The following CA13 variants were observed in gnomAD, a reference collection of about 807,000 sequenced individuals.
The protein encoded by CA13 is CA-XIII.
Under a neutral mutation model 31.5 loss-of-function variants are expected in CA13, and 21 were observed. The observed-to-expected ratio is 0.67, with a 90% confidence interval of 0.47 to 0.96. The LOEUF is 0.96. Ranked by LOEUF, CA13 falls within the 40% of genes least tolerant of loss-of-function variation. The probability of loss-of-function intolerance (pLI) is 0.00; values close to 1 mark genes in which losing one functional copy is unlikely to be tolerated. For missense variants in CA13, 315 were observed against 318.9 expected (o/e 0.99, Z 0.09); for synonymous variants, 117 against 111.4 (o/e 1.05, Z -0.32).
intron 2 of CA13, among the ~76,000 whole-genome samples, chr8:85,255,978 A>G (rs1250677939): frequency 6.7e-6 from 1 of 150,230 alleles, no homozygotes; most frequent in Non-Finnish European, 1.5e-5. Context: ...TTACTTACCT[A>G]CCTAGCATGG....
At chr8:85,260,374 G>A (rs1807359452) in intron 3 of CA13, among the ~76,000 whole-genome samples, 1 of 152,222 alleles carries the variant, frequency 6.6e-6, no homozygotes. Context: ...TTTGGTTTCT[G>A]AGTCGCCTAG....
At chr8:85,266,933 TCAA>T (rs1807466040) in intron 4 of CA13, among the ~76,000 whole-genome samples, 1 of 152,204 alleles carries the variant, frequency 6.6e-6, no homozygotes, top group African/African-American at 2.4e-5. Context: ...AGCATCAACA[TCAA>T]GAATAGTAGC....
rs775391404 is a variant in CA13, at chr8:85,259,485, C to T, written c.300C>T (p.Ser100=). Residue 100 remains serine (S), a synonymous_variant, in exon 3 of 7, where the codon TCC becomes TCT. Transcript: ENST00000321764. ...RLRQVHLHWG[S]ADDHGSEHIV... ...GGCAGGTTCACCTTCACTGGGGGTC[C>T]GCTGATGACCACGGCTCCGAGCACA... 6.2e-6 allele frequency: 10 copies of T among 1,614,042 alleles called. No individual in the cohort carries two copies. Among genetic ancestry groups the T allele is most frequent in the Admixed American group, 1.7e-5 (1 of 60,000 alleles).
rs1813715479 is a variant in CA13, at chr8:85,245,857, A to G, written c.29A>G (p.Glu10Gly). ...TCGAGGCTCAGCTGGGGATACCGCG[A>G]GCACAACGGTGAGCGCCTTTTCCTG... MSRLSWGYR[E>G]HNGPIHWKEF... The change falls in exon 1 of 7, where the codon GAG (glutamate) becomes GGG (glycine). Residue 10 changes from glutamate to glycine, a missense_variant. Glu to Gly is a moderately conservative substitution (Grantham distance 98). Transcript: ENST00000321764. 1 of 1,613,960 alleles carries G rather than the reference A, an allele frequency of 6.2e-7. No homozygotes were observed. The highest frequency in any genetic ancestry group is 2.2e-5 in the East Asian group (1 of 44,888).
At chr8:85,277,697 T>G (rs1234047595) in intron 6 of CA13, among the ~76,000 whole-genome samples, 1 of 152,146 alleles carries the variant, frequency 6.6e-6, no homozygotes, top group Non-Finnish European at 1.5e-5. Flanking sequence ...CAAGAGGTTT[T>G]AATGAGCGCC....
chr8:85,270,132 G>C (rs565130134), intron 6 of CA13, among the ~76,000 whole-genome samples: 1 of 152,266 alleles, frequency 6.6e-6, no homozygotes, highest in South Asian at 2.1e-4. Flanking sequence ...CTTCTTCATT[G>C]GTTTTGTTTT....
chr8:85,259,805 A>C (rs1198382061), intron 3 of CA13, among the ~76,000 whole-genome samples: 1 of 152,192 alleles, frequency 6.6e-6, no homozygotes, highest in Non-Finnish European at 1.5e-5. Context: ...AGATTAAGTA[A>C]TTTATCCAGC....
At position 85,281,935 on chromosome 8, in the gene CA13, A is replaced by G. The variant is rs1314538879; in HGVS notation, c.*586A>G. The G allele has an allele frequency of 6.6e-6, 1 of 152,198 alleles. No individual in the cohort carries two copies. Among genetic ancestry groups the G allele is most frequent in the African/African-American group, 2.4e-5 (1 of 41,458 alleles). The allele number at this position is 152,198 out of a possible 1,614,324, so 9.4% of individuals were successfully genotyped here. The stretch of plus-strand genomic sequence containing the variant: ...ATATGTCTACTTCAACCTGTGTGAA[A>G]ATATAGTTAACATTGCAAACTTTAG... On this transcript the variant is annotated 3_prime_UTR_variant, in exon 7 of 7. Coordinates refer to ENST00000321764, the MANE Select transcript of CA13 (RefSeq NM_198584.3).
chr8:85,273,521 C>A (rs984481605), intron 6 of CA13, among the ~76,000 whole-genome samples: 5 of 152,080 alleles, frequency 3.3e-5, no homozygotes, highest in Admixed American at 6.5e-5. Context: ...ATAACTTTTC[C>A]CTCCTCAGGC....
rs149411866 is a variant in CA13 at position 85,268,518 on chromosome 8, C to T, written c.560C>T (p.Pro187Leu). The change falls in exon 6 of 7, where the codon CCA (proline) becomes CTA (leucine). Residue 187 changes from proline to leucine, a missense_variant. Coordinates refer to ENST00000321764, the MANE Select transcript of CA13 (RefSeq NM_198584.3). ...AATTTTGACCTATTGTCTCTGCTTCCACCATCCTGGGACTACTGGACATAT... is the reference window on the plus strand; with the variant it reads ...AATTTTGACCTATTGTCTCTGCTTCTACCATCCTGGGACTACTGGACATAT... ...FTNFDLLSLL[P>L]PSWDYWTYPG... is the part of the protein sequence containing the mutation. 7 of 1,614,058 alleles carry T rather than the reference C, an allele frequency of 4.3e-6. No homozygotes were observed. Among genetic ancestry groups the T allele is most frequent in the Non-Finnish European group, 5.9e-6 (7 of 1,179,942 alleles).
intron 3 of CA13, among the ~76,000 whole-genome samples, chr8:85,260,775 CT>C (rs1255905143): frequency 6.6e-6 from 1 of 152,188 alleles, no homozygotes; most frequent in African/African-American, 2.4e-5. Flanking sequence ...TTCATGTTTG[CT>C]TTCTAAAGTT....
intron 3 of CA13, among the ~76,000 whole-genome samples, chr8:85,261,320 T>C (rs759111525): frequency 3.9e-5 from 6 of 152,216 alleles, no homozygotes; most frequent in Non-Finnish European, 8.8e-5. Context: ...TTAAGACACC[T>C]AAGTATGAGT....
In CA13 at chr8:85,245,794, G is replaced by T. The variant is rs764635284; in HGVS notation, c.-35G>T. The T allele has an allele frequency of 1.2e-6, 2 of 1,612,846 alleles. No individual in the cohort carries two copies. The highest frequency in any genetic ancestry group is 2.2e-5 in the South Asian group (2 of 91,068). ...GCTCCCTCCTCTTTCTCGCTGCTCA[G>T]TCACATCTTTCTCTTCCTTCCACCC... On this transcript the variant is annotated 5_prime_UTR_variant, in exon 1 of 7. Coordinates refer to ENST00000321764, the MANE Select transcript of CA13 (RefSeq NM_198584.3).
intron 1 of CA13, 72 bp downstream of exon 1, chr8:85,245,937 T>C (rs1813718930): frequency 6.4e-7 from 1 of 1,559,466 alleles, no homozygotes; most frequent in Non-Finnish European, 8.8e-7. Flanking sequence ...GCCCCGGCGC[T>C]CGCTGACCAC....
chr8:85,251,251 C>G (rs2129948485), intron 2 of CA13, among the ~76,000 whole-genome samples: 1 of 152,226 alleles, frequency 6.6e-6, no homozygotes, highest in South Asian at 2.1e-4. Flanking sequence ...ATCCGCCTGC[C>G]TCGGCCTCCC....
At chr8:85,271,326 T>C (rs1009479263) in intron 6 of CA13, among the ~76,000 whole-genome samples, 1 of 152,240 alleles carries the variant, frequency 6.6e-6, no homozygotes, top group East Asian at 1.9e-4. Context: ...TGTAGTGTTT[T>C]CCGGATTTTT....
At chr8:85,268,686 T>TC in intron 6 of CA13, 59 bp downstream of exon 6, 1 of 1,405,114 alleles carries the variant, frequency 7.1e-7, no homozygotes, top group East Asian at 2.3e-5. Context: ...GCTTTTTTTT[T>TC]TTTTTTTTCA....
At chr8:85,250,600 C>T (rs1219722434) in intron 1 of CA13, 140 bp from the exon 2 acceptor site, 1 of 571,990 alleles carries the variant, frequency 1.7e-6, no homozygotes, top group Non-Finnish European at 3.0e-6. Context: ...CAATTAGATG[C>T]CAAGGTCCTG....
chr8:85,245,902 C>A, intron 1 of CA13, 37 bp downstream of exon 1: 1 of 1,613,274 alleles, frequency 6.2e-7, no homozygotes, highest in Non-Finnish European at 8.5e-7. Context: ...GGGGTTTGTG[C>A]GGGGGACGAG....
Sources: gnomAD v4.1 joint callset for allele counts (sites outside exome capture counted in the v4.1 genomes callset) on GRCh38, gnomAD v4.1.1 for gene constraint, MANE v1.5 for transcripts, NCBI Gene and HGNC (gene_info 2026-07-23, HGNC 2026-07-21) for gene names.